The following CRACDL variants were observed in gnomAD, a reference collection of about 807,000 sequenced individuals.
CRACDL encodes CRACD like, also known as CRACD-like protein.
In CRACDL, 26 loss-of-function variants were observed where a neutral mutation model predicts 70.6. The ratio of observed to expected loss-of-function variants is 0.37; its 90% CI spans 0.27 to 0.51. The LOEUF is 0.51. Ranked by LOEUF, CRACDL falls within the 20% of genes least tolerant of loss-of-function variation. CRACDL has a pLI of 0.94. For missense variants in CRACDL, 1,283 were observed against 1,376.9 expected, an observed-to-expected ratio of 0.93 and a Z score of 1.08; for synonymous variants, 618 against 615.2, an observed-to-expected ratio of 1.00 and a Z score of -0.07.
intron 1 of CRACDL, chr2:98,897,339 G>A (rs759918275): frequency 5.4e-5 from 69 of 1,289,024 alleles, no homozygotes; most frequent in African/African-American, 2.3e-4. Flanking sequence ...TGACAGCATC[G>A]CTAAATATAT....
At chr2:98,836,785 A>T (rs1001393318) in intron 3 of CRACDL, among the ~76,000 whole-genome samples, 2 of 152,012 alleles carry the variant, frequency 1.3e-5, no homozygotes, top group Non-Finnish European at 2.9e-5. Flanking sequence ...AGAACCGCCT[A>T]AAAAAAATGC....
At chr2:98,852,928 G>A (rs1445887921) in intron 1 of CRACDL, among the ~76,000 whole-genome samples, 1 of 146,420 alleles carries the variant, frequency 6.8e-6, no homozygotes, top group Non-Finnish European at 1.5e-5. Context: ...GAGAGAAAGA[G>A]GGAAAAGGAG....
intron 5 of CRACDL, among the ~76,000 whole-genome samples, chr2:98,827,737 C>G (rs1036019268): frequency 6.6e-6 from 1 of 152,230 alleles, no homozygotes; most frequent in African/African-American, 2.4e-5. Flanking sequence ...CTCAGGCTCC[C>G]CTGTCACCCT....
At chr2:98,835,259 G>C (rs1705722906) in intron 3 of CRACDL, among the ~76,000 whole-genome samples, 2 of 152,180 alleles carry the variant, frequency 1.3e-5, no homozygotes, top group Admixed American at 6.5e-5. Context: ...ATATCCACTG[G>C]AAAGGTTTAG....
At chr2:98,899,905 C>T (rs1306130975) in intron 1 of CRACDL, among the ~76,000 whole-genome samples, 99 of 99,294 alleles carry the variant, frequency 1.0e-3, no homozygotes, top group African/African-American at 3.0e-3. Flanking sequence ...AGAGGCTCAG[C>T]AGGAGGGGAG....
Position 98,879,746 on chromosome 2 carries a change from G to A in CRACDL, c.-10-32936C>T, listed in dbSNP as rs11691117. 5.1e-3 allele frequency among the ~76,000 whole-genome samples: 775 copies of A among 152,274 alleles called. 2 individuals carry two copies. The highest frequency in any genetic ancestry group is 9.4e-3 in the Admixed American group (144 of 15,298). Reference sequence around the variant, plus strand: ...ATTTTAGTAAACACAGGGTTTCGCCGTGTTGCTCAGGCTGGTCTCGAACTC... The same window carrying A: ...ATTTTAGTAAACACAGGGTTTCGCCATGTTGCTCAGGCTGGTCTCGAACTC... On this transcript the variant is annotated intron_variant, in intron 1 of 9. Coordinates refer to ENST00000397899, the MANE Select transcript of CRACDL (RefSeq NM_207362.3).
chr2:98,871,808 C>T (rs1433986437), intron 1 of CRACDL, among the ~76,000 whole-genome samples: 1 of 152,116 alleles, frequency 6.6e-6, no homozygotes, highest in Non-Finnish European at 1.5e-5. Flanking sequence ...AATCATGATA[C>T]AGGAAAATAT....
intron 1 of CRACDL, among the ~76,000 whole-genome samples, chr2:98,855,623 CA>C (rs1232156596): frequency 6.6e-6 from 1 of 152,130 alleles, no homozygotes; most frequent in Non-Finnish European, 1.5e-5. Context: ...GGGAAAAAAG[CA>C]GGCAATAGAA....
chr2:98,803,083 T>C (rs1704146407), intron 7 of CRACDL, among the ~76,000 whole-genome samples: 1 of 149,084 alleles, frequency 6.7e-6, no homozygotes, highest in South Asian at 2.2e-4. Context: ...CACTGCAAGC[T>C]CCGCCTCCTG....
At chr2:98,853,683 A>T (rs1363690956) in intron 1 of CRACDL, among the ~76,000 whole-genome samples, 5 of 152,202 alleles carry the variant, frequency 3.3e-5, no homozygotes, top group Non-Finnish European at 1.5e-5. Flanking sequence ...AACTAAAAAA[A>T]CTATTATGAA....
intron 7 of CRACDL, among the ~76,000 whole-genome samples, chr2:98,798,443 CAAAAAAAAAAAAA>C (rs70940125): frequency 4.3e-4 from 19 of 44,332 alleles, no homozygotes; most frequent in African/African-American, 8.1e-4. Context: ...GACTCCGTCT[CAAAAAAAAAAAAA>C]AAAAAAAAAA....
rs746953290 is a variant in CRACDL at position 98,893,292 on chromosome 2, A to AT, written c.-11+42645dup. Among the ~76,000 whole-genome samples, 63 of 148,444 alleles carry AT rather than the reference A, an allele frequency of 4.2e-4. No individual in the cohort carries two copies. The East Asian group carries it at 8.2e-3, about 19-fold the overall frequency. On this transcript the variant is annotated intron_variant, in intron 1 of 9. Coordinates refer to ENST00000397899, the MANE Select transcript of CRACDL (RefSeq NM_207362.3). ...GTCCTCAGTCAAGAGAAGGAACCCT[A>AT]TTTTTTTTTTTAGACGAGTCTCGCT...
At chr2:98,905,841 T>G (rs1229122625) in intron 1 of CRACDL, among the ~76,000 whole-genome samples, 2 of 152,190 alleles carry the variant, frequency 1.3e-5, no homozygotes, top group Non-Finnish European at 2.9e-5. Flanking sequence ...GGTCTCGAAC[T>G]CCTGACCTCA....
intron 1 of CRACDL, among the ~76,000 whole-genome samples, chr2:98,878,989 T>A (rs1253898246): frequency 6.6e-6 from 1 of 152,190 alleles, no homozygotes; most frequent in Non-Finnish European, 1.5e-5. Context: ...CCCTCTGGCC[T>A]GGCCCAGTGC....
At chr2:98,932,272 A>G (rs934807420) in intron 1 of CRACDL, among the ~76,000 whole-genome samples, 2 of 152,102 alleles carry the variant, frequency 1.3e-5, no homozygotes, top group Non-Finnish European at 2.9e-5. Flanking sequence ...TCTCCCTTTC[A>G]AAGGCAGTTC....
At chr2:98,914,014 G>T (rs1256826303) in intron 1 of CRACDL, among the ~76,000 whole-genome samples, 6 of 152,222 alleles carry the variant, frequency 3.9e-5, no homozygotes, top group African/African-American at 1.4e-4. Flanking sequence ...TCCCAGAATG[G>T]GCATTGTATG....
intron 7 of CRACDL, among the ~76,000 whole-genome samples, chr2:98,811,586 G>A (rs1392936925): frequency 6.8e-6 from 1 of 147,900 alleles, no homozygotes; most frequent in East Asian, 2.0e-4. Flanking sequence ...CCCTTTGGTT[G>A]TACAGTTCTG....
chr2:98,845,414 T>C (rs1361020129), intron 2 of CRACDL, among the ~76,000 whole-genome samples: 1 of 152,146 alleles, frequency 6.6e-6, no homozygotes, highest in Non-Finnish European at 1.5e-5. Flanking sequence ...AAGCTGGTCT[T>C]GAACTCCTGG....
At chr2:98,900,075 A>G (rs1184330389) in intron 1 of CRACDL, among the ~76,000 whole-genome samples, 26 of 42,174 alleles carry the variant, frequency 6.2e-4, no homozygotes, top group African/African-American at 8.7e-4. Context: ...GGGGAGGCAG[A>G]TGGACAGAGG....
Sources: allele counts gnomAD v4.1 joint callset (sites outside exome capture counted in the v4.1 genomes callset), GRCh38; gene constraint gnomAD v4.1.1; transcripts MANE v1.5; gene names NCBI Gene and HGNC (gene_info 2026-07-23, HGNC 2026-07-21).